Variants in TBC1D22B observed in about 807,000 individuals in gnomAD.
The protein encoded by TBC1D22B is TBC1 domain family member 22B.
In TBC1D22B, 32 loss-of-function variants were observed where a neutral mutation model predicts 69.1. The ratio of observed to expected loss-of-function variants is 0.46; its 90% confidence interval spans 0.35 to 0.62. The LOEUF is 0.62. TBC1D22B is among the 20% of genes least tolerant of loss of function. The probability of loss-of-function intolerance (pLI) is 0.00; values close to 1 mark genes in which losing one functional copy is unlikely to be tolerated. For missense variants in TBC1D22B, 462 were observed against 630.9 expected (o/e 0.73, Z 2.87); for synonymous variants, 206 against 229.8 (o/e 0.90, Z 0.94).
intron 1 of TBC1D22B, among the ~76,000 whole-genome samples, chr6:37,262,014 G>A (rs1288584993): frequency 8.5e-6 from 1 of 117,686 alleles, no homozygotes. Flanking sequence ...TCGGGCACAG[G>A]AGAAAAAAAA....
chr6:37,301,346 A>C (rs940285505), intron 8 of TBC1D22B, among the ~76,000 whole-genome samples: 1 of 152,200 alleles, frequency 6.6e-6, no homozygotes, highest in Non-Finnish European at 1.5e-5. Context: ...TCAATTTTAA[A>C]ACATTTTATC....
intron 1 of TBC1D22B, among the ~76,000 whole-genome samples, chr6:37,260,590 C>A (rs536908289): frequency 6.6e-6 from 1 of 152,160 alleles, no homozygotes; most frequent in Non-Finnish European, 1.5e-5. Flanking sequence ...CCACTAATTT[C>A]AGAACATTTT....
intron 8 of TBC1D22B, 98 bp from the exon 9 acceptor site, chr6:37,312,820 A>T: frequency 1.0e-6 from 1 of 958,068 alleles, no homozygotes; most frequent in Non-Finnish European, 1.6e-6. Context: ...CCTGGTCCTC[A>T]CTTGGCCTTA....
intron 12 of TBC1D22B, among the ~76,000 whole-genome samples, chr6:37,326,416 T>C (rs186882607): frequency 1.9e-4 from 28 of 151,286 alleles, no homozygotes; most frequent in African/African-American, 6.1e-4. Flanking sequence ...TAGAGAGCTA[T>C]GTCCTTTGTT....
intron 12 of TBC1D22B, chr6:37,324,459 C>A: frequency 2.3e-6 from 1 of 426,512 alleles, no homozygotes; most frequent in South Asian, 1.7e-5. Flanking sequence ...AGGACTGTGG[C>A]CTATTATGCA....
intron 8 of TBC1D22B, among the ~76,000 whole-genome samples, chr6:37,307,102 C>T (rs1406235129): frequency 6.6e-6 from 1 of 152,196 alleles, no homozygotes; most frequent in East Asian, 1.9e-4. Context: ...GTCTCAGCTG[C>T]TGCCATCAGG....
intron 5 of TBC1D22B, among the ~76,000 whole-genome samples, chr6:37,283,630 A>G (rs1043023152): frequency 2.6e-5 from 4 of 152,238 alleles, no homozygotes; most frequent in Admixed American, 6.5e-5. Context: ...TACTCTTGCA[A>G]CCATGCAATC....
At chr6:37,300,190 T>C (rs964966516) in intron 8 of TBC1D22B, among the ~76,000 whole-genome samples, 5 of 152,018 alleles carry the variant, frequency 3.3e-5, no homozygotes, top group Non-Finnish European at 7.4e-5. Context: ...TTATAAATAA[T>C]ACACCATCTT....
chr6:37,282,073 A>G, intron 3 of TBC1D22B, 112 bp from the exon 4 acceptor site: 5 of 1,224,306 alleles, frequency 4.1e-6, no homozygotes, highest in South Asian at 3.9e-5. Context: ...CAGTGCACAC[A>G]GGCAGCCACA....
At chr6:37,308,890 C>T (rs1767817396) in intron 8 of TBC1D22B, among the ~76,000 whole-genome samples, 2 of 149,220 alleles carry the variant, frequency 1.3e-5, no homozygotes, top group African/African-American at 2.5e-5. Flanking sequence ...TGGGAGTTCA[C>T]TTAAGCCCAG....
chr6:37,288,351 T>G (rs1767071218), intron 7 of TBC1D22B, among the ~76,000 whole-genome samples: 1 of 152,210 alleles, frequency 6.6e-6, no homozygotes, highest in Non-Finnish European at 1.5e-5. Context: ...TTGGAGATGT[T>G]CAGAGACTTT....
At chr6:37,304,815 C>A (rs1381094398) in intron 8 of TBC1D22B, among the ~76,000 whole-genome samples, 1 of 152,070 alleles carries the variant, frequency 6.6e-6, no homozygotes, top group East Asian at 1.9e-4. Context: ...AGTTTAATTT[C>A]TGGTGGGCAG....
At chr6:37,286,923 G>A in intron 6 of TBC1D22B, 84 bp from the exon 7 acceptor site, 4 of 1,253,122 alleles carry the variant, frequency 3.2e-6, no homozygotes, top group Non-Finnish European at 3.4e-6. Context: ...CAGCCTGGGG[G>A]ACAAGAGCGA....
intron 2 of TBC1D22B, among the ~76,000 whole-genome samples, chr6:37,276,901 A>C (rs939691497): frequency 6.6e-6 from 1 of 151,348 alleles, no homozygotes; most frequent in Non-Finnish European, 1.5e-5. Context: ...AAAACAAACA[A>C]AAATATATAT....
intron 8 of TBC1D22B, among the ~76,000 whole-genome samples, chr6:37,306,080 C>T (rs1316280896): frequency 3.3e-5 from 5 of 152,160 alleles, no homozygotes; most frequent in African/African-American, 1.2e-4. Context: ...GAGCTGCTTT[C>T]AGTGACACTT....
At chr6:37,274,857 C>T (rs1214566162) in intron 2 of TBC1D22B, among the ~76,000 whole-genome samples, 1 of 152,162 alleles carries the variant, frequency 6.6e-6, no homozygotes, top group African/African-American at 2.4e-5. Context: ...TCAAGACCAT[C>T]TTGGCCAACA....
chr6:37,322,599 C>T (rs1414860045), intron 12 of TBC1D22B, among the ~76,000 whole-genome samples: 1 of 152,222 alleles, frequency 6.6e-6, no homozygotes, highest in African/African-American at 2.4e-5. Flanking sequence ...GAGAGACCTG[C>T]TATCCCCATA....
intron 1 of TBC1D22B, among the ~76,000 whole-genome samples, chr6:37,267,471 A>T (rs1310189775): frequency 8.0e-6 from 1 of 124,770 alleles, no homozygotes; most frequent in Admixed American, 9.5e-5. Context: ...CATATATATA[A>T]TATATATACA....
At chr6:37,276,618 CATT>C (rs960100451) in intron 2 of TBC1D22B, among the ~76,000 whole-genome samples, 1 of 152,138 alleles carries the variant, frequency 6.6e-6, no homozygotes, top group Non-Finnish European at 1.5e-5. Flanking sequence ...TATATTGAAT[CATT>C]ATCTGCTTCA....
Sources: allele counts gnomAD v4.1 joint callset (sites outside exome capture counted in the v4.1 genomes callset), GRCh38; gene constraint gnomAD v4.1.1; transcripts MANE v1.5; gene names NCBI Gene and HGNC (gene_info 2026-07-23, HGNC 2026-07-21).